The following TMEM232 variants were observed in gnomAD, a reference collection of about 807,000 sequenced individuals.
TMEM232 encodes the protein transmembrane protein 232.
A neutral mutation model predicts 78.8 loss-of-function variants in TMEM232; 80 were observed. The observed-to-expected ratio is 1.01, with a 90% CI of 0.85 to 1.22. The LOEUF is 1.22. TMEM232 is among the 50% of genes most tolerant of loss of function. The pLI is 0.00. For synonymous variants in TMEM232, 297 were observed against 254.3 expected (o/e 1.17, Z -1.60); for missense variants, 881 against 742.2 (o/e 1.19, Z -2.17).
intron 1 of TMEM232, among the ~76,000 whole-genome samples, chr5:110,669,379 G>C (rs1443494432): frequency 1.3e-5 from 2 of 152,106 alleles, no homozygotes; most frequent in Non-Finnish European, 2.9e-5. Flanking sequence ...AGAAAATCTA[G>C]AAGAAATAGA....
intron 11 of TMEM232, among the ~76,000 whole-genome samples, chr5:110,543,982 G>C (rs1773475142): frequency 6.6e-6 from 1 of 152,066 alleles, no homozygotes; most frequent in Non-Finnish European, 1.5e-5. Flanking sequence ...CTTGAGAGCA[G>C]ACTTAAACAA....
intron 1 of TMEM232, among the ~76,000 whole-genome samples, chr5:110,697,081 T>G (rs1280258399): frequency 4.6e-5 from 7 of 152,166 alleles, no homozygotes; most frequent in Non-Finnish European, 2.9e-5. Flanking sequence ...AACAGCATGG[T>G]ACTGGTACCA....
Position 110,522,797 on chromosome 5 carries a change from T to C in TMEM232, c.1703+5791A>G, listed in dbSNP as rs78955056. Among the ~76,000 whole-genome samples, 652 of 152,292 alleles carry C rather than the reference T, an allele frequency of 4.3e-3. 4 individuals carry two copies. The highest frequency in any genetic ancestry group is 0.015 in the African/African-American group (626 of 41,564). Reference sequence around the variant, plus strand: ...GTCATGATGTATGATTATTTTAAGATGCTTCTGGATTCTGTTTGTTACTAT... The same window carrying C: ...GTCATGATGTATGATTATTTTAAGACGCTTCTGGATTCTGTTTGTTACTAT... On this transcript the variant is annotated intron_variant, in intron 12 of 13. Transcript: ENST00000455884.
intron 12 of TMEM232, among the ~76,000 whole-genome samples, chr5:110,451,289 T>A (rs1404019486): frequency 6.6e-6 from 1 of 152,188 alleles, no homozygotes; most frequent in Non-Finnish European, 1.5e-5. Flanking sequence ...AGCAAGAATA[T>A]TTTCTTTTAT....
chr5:110,475,363 T>A (rs538592025), intron 12 of TMEM232, among the ~76,000 whole-genome samples: 1 of 151,924 alleles, frequency 6.6e-6, no homozygotes, highest in South Asian at 2.1e-4. Context: ...TATATAAAAT[T>A]TCATCCCTGA....
intron 12 of TMEM232, among the ~76,000 whole-genome samples, chr5:110,507,254 C>T (rs1040448863): frequency 2.6e-5 from 4 of 152,148 alleles, no homozygotes; most frequent in Admixed American, 6.5e-5. Flanking sequence ...TATGCATGCA[C>T]TTGTCACAAC....
At chr5:110,547,958 G>A (rs1472762879) in intron 11 of TMEM232, among the ~76,000 whole-genome samples, 3 of 140,556 alleles carry the variant, frequency 2.1e-5, no homozygotes, top group Non-Finnish European at 3.0e-5. Context: ...AGATCACGCC[G>A]CTGCACTCCA....
At chr5:110,596,485 A>G (rs1274806149) in intron 10 of TMEM232, among the ~76,000 whole-genome samples, 1 of 152,224 alleles carries the variant, frequency 6.6e-6, no homozygotes, top group Non-Finnish European at 1.5e-5. Context: ...ATCAACAGAA[A>G]AAGAGGGAAT....
At chr5:110,679,042 T>C (rs1212820964) in intron 1 of TMEM232, among the ~76,000 whole-genome samples, 1 of 152,198 alleles carries the variant, frequency 6.6e-6, no homozygotes, top group Non-Finnish European at 1.5e-5. Flanking sequence ...ACAAGCAGCA[T>C]GATTGCTGTA....
chr5:110,489,707 A>G (rs1206517586), intron 12 of TMEM232, among the ~76,000 whole-genome samples: 2 of 152,116 alleles, frequency 1.3e-5, no homozygotes, highest in African/African-American at 4.8e-5. Context: ...GAGGAAGTTA[A>G]ACTATTTTTG....
intron 11 of TMEM232, among the ~76,000 whole-genome samples, chr5:110,544,441 CAAA>C (rs575755362): frequency 2.5e-4 from 19 of 75,746 alleles, no homozygotes; most frequent in South Asian, 7.5e-4. Context: ...ACACACATAT[CAAA>C]AAAAAAAAAA....
intron 12 of TMEM232, among the ~76,000 whole-genome samples, chr5:110,514,913 A>C (rs1768373298): frequency 6.6e-6 from 1 of 152,230 alleles, no homozygotes; most frequent in African/African-American, 2.4e-5. Context: ...TAAGTTCACT[A>C]ATGAAAATCA....
intron 12 of TMEM232, among the ~76,000 whole-genome samples, chr5:110,427,365 A>G (rs1757352010): frequency 6.6e-6 from 1 of 152,004 alleles, no homozygotes; most frequent in East Asian, 1.9e-4. Flanking sequence ...TATCATATTC[A>G]TTGTCAAAAG....
rs73220734 is a variant in TMEM232 at position 110,459,107 on chromosome 5, C to T, written c.1704-34191G>A. Among the ~76,000 whole-genome samples the T allele has an allele frequency of 3.6e-3, 553 of 152,168 alleles. 3 individuals carry two copies. Among genetic ancestry groups the T allele is most frequent in the African/African-American group, 0.012 (517 of 41,516 alleles). ...GAGCTATGCACATTTCTTTACCAGCCTTGTTATTTTGTTTACATATTTCCC... is the reference window on the plus strand; with the variant it reads ...GAGCTATGCACATTTCTTTACCAGCTTTGTTATTTTGTTTACATATTTCCC... On this transcript the variant is annotated intron_variant, in intron 12 of 13. Coordinates refer to ENST00000455884, the MANE Select transcript of TMEM232 (RefSeq NM_001039763.4).
At chr5:110,423,780 C>CGTGT (rs146104536) in intron 13 of TMEM232, among the ~76,000 whole-genome samples, 7,166 of 142,434 alleles carry the variant, frequency 0.05, 433 homozygotes, top group African/African-American at 0.14. Context: ...TTTATGCGTG[C>CGTGT]GTGTGTGTGT....
At chr5:110,569,911 G>A (rs1776751309) in intron 10 of TMEM232, among the ~76,000 whole-genome samples, 1 of 151,866 alleles carries the variant, frequency 6.6e-6, no homozygotes, top group Admixed American at 6.6e-5. Flanking sequence ...GTAAAGGCTG[G>A]TCTAATCCTG....
At chr5:110,517,508 G>T (rs1402132959) in intron 12 of TMEM232, among the ~76,000 whole-genome samples, 1 of 152,082 alleles carries the variant, frequency 6.6e-6, no homozygotes, top group Non-Finnish European at 1.5e-5. Flanking sequence ...GGCTTGCCTT[G>T]TTGTCACCAA....
At chr5:110,652,827 A>C (rs1399909806) in intron 2 of TMEM232, among the ~76,000 whole-genome samples, 1 of 152,234 alleles carries the variant, frequency 6.6e-6, no homozygotes, top group East Asian at 1.9e-4. Context: ...TTTCTCTGAA[A>C]TATCAAAGGA....
At chr5:110,459,725 A>C (rs1453047817) in intron 12 of TMEM232, among the ~76,000 whole-genome samples, 3 of 152,192 alleles carry the variant, frequency 2.0e-5, no homozygotes, top group African/African-American at 7.2e-5. Context: ...CTAAGGGAAT[A>C]TAGAGTAACT....
Sources: allele counts gnomAD v4.1 joint callset (sites outside exome capture counted in the v4.1 genomes callset), GRCh38; gene constraint gnomAD v4.1.1; transcripts MANE v1.5; gene names NCBI Gene and HGNC (gene_info 2026-07-23, HGNC 2026-07-21).